The following LINGO2 variants were observed in gnomAD, a reference collection of about 807,000 sequenced individuals.
LINGO2 encodes the protein leucine-rich repeat and immunoglobulin-like domain-containing nogo receptor-interacting protein 2.
A neutral mutation model predicts 30.6 loss-of-function variants in LINGO2; 14 were observed. The ratio of observed to expected loss-of-function variants is 0.46; its 90% CI spans 0.30 to 0.72. The LOEUF is 0.72. Among genes scored for constraint, LINGO2 ranks in the 30% least tolerant of loss-of-function variants. LINGO2 has a pLI of 0.07. For missense variants in LINGO2, 729 were observed against 751.7 expected, an observed-to-expected ratio of 0.97 and a Z score of 0.35; for synonymous variants, 317 against 288.5, an observed-to-expected ratio of 1.10 and a Z score of -1.00.
intron 3 of LINGO2, among the ~76,000 whole-genome samples, chr9:28,348,350 C>CAG (rs1164110563): frequency 6.6e-6 from 1 of 152,090 alleles, no homozygotes; most frequent in East Asian, 1.9e-4. Flanking sequence ...CGCAAGGGGT[C>CAG]AGAGAGTTCC....
the LINGO2 span, chr9:27,938,166 A>T: frequency 6.6e-6 from 1 of 152,192 alleles, no homozygotes; most frequent in Non-Finnish European, 1.5e-5. Context: ...CCAATCCAGC[A>T]TCTCTCTGAG....
chr9:28,075,652 C>T (rs915417541), intron 4 of LINGO2, among the ~76,000 whole-genome samples: 3 of 151,932 alleles, frequency 2.0e-5, no homozygotes, highest in African/African-American at 7.2e-5. Context: ...CTAGATTGAA[C>T]ATGAGACTGA....
intron 5 of LINGO2, among the ~76,000 whole-genome samples, chr9:27,999,916 T>C (rs1417850769): frequency 6.6e-6 from 1 of 152,118 alleles, no homozygotes; most frequent in East Asian, 1.9e-4. Context: ...GGCAATAAAA[T>C]GGATTTTAAA....
At chr9:28,943,141 C>T in the LINGO2 span, among the ~76,000 whole-genome samples, 449 of 152,162 alleles carry the variant, frequency 3.0e-3, 2 homozygotes, top group African/African-American at 9.8e-3. Context: ...AAGGTAAAGA[C>T]GCAATCTCAG....
At chr9:28,316,794 G>A (rs1824860915) in intron 3 of LINGO2, among the ~76,000 whole-genome samples, 1 of 152,076 alleles carries the variant, frequency 6.6e-6, no homozygotes, top group Non-Finnish European at 1.5e-5. Flanking sequence ...TTCCAAGAAG[G>A]CCTTTCAGAA....
At chr9:28,483,266 A>C (rs1587735085) in intron 1 of LINGO2, among the ~76,000 whole-genome samples, 1 of 152,124 alleles carries the variant, frequency 6.6e-6, no homozygotes, top group South Asian at 2.1e-4. Flanking sequence ...GCAATGGACT[A>C]TCTGCTGATA....
intron 4 of LINGO2, among the ~76,000 whole-genome samples, chr9:28,201,299 A>G (rs1466970331): frequency 6.9e-5 from 10 of 143,906 alleles, no homozygotes; most frequent in Non-Finnish European, 1.2e-4. Context: ...TCATTGTTCA[A>G]TTCCCACCTA....
intron 4 of LINGO2, among the ~76,000 whole-genome samples, chr9:28,055,975 C>T (rs1275297900): frequency 2.0e-5 from 3 of 152,066 alleles, no homozygotes; most frequent in Admixed American, 6.6e-5. Context: ...ACTATTGTTA[C>T]TACTTGAGAC....
In LINGO2 at chr9:27,950,150, A is replaced by C. The variant is rs773664708; in HGVS notation, c.522T>G (p.Ser174Arg). 3.1e-6 allele frequency: 5 copies of C among 1,614,118 alleles called. No individual in the cohort carries two copies. The Admixed American group carries it at 5.0e-5, about 16-fold the overall frequency. ...TGAGCTGCTCCAAGCTAAGAAGCCC[A>C]CTGAATGCCCTGTGTGATATATAAA... The change falls in exon 6 of 6, where the codon AGT becomes AGG. Residue 174 changes from serine (S) to arginine (R), a missense_variant. Physicochemically the swap from Ser to Arg is moderately radical, Grantham distance 110 (BLOSUM62 -1). Coordinates refer to ENST00000379992, the Ensembl canonical transcript of LINGO2.
chr9:27,967,042 T>C (rs1469810540), intron 5 of LINGO2, among the ~76,000 whole-genome samples: 1 of 152,294 alleles, frequency 6.6e-6, no homozygotes, highest in East Asian at 1.9e-4. Context: ...CTCTGGAGAT[T>C]ACCTGGTTTT....
At chr9:28,218,598 T>A (rs575400836) in intron 4 of LINGO2, among the ~76,000 whole-genome samples, 6 of 152,152 alleles carry the variant, frequency 3.9e-5, no homozygotes, top group Non-Finnish European at 7.4e-5. Flanking sequence ...ATAAATAGAT[T>A]TCTGCTCTGG....
intron 4 of LINGO2, among the ~76,000 whole-genome samples, chr9:28,110,126 C>G (rs1006633408): frequency 1.3e-5 from 2 of 152,042 alleles, no homozygotes; most frequent in African/African-American, 4.8e-5. Flanking sequence ...ACAAACTTGA[C>G]AAAAACAAGC....
chr9:28,235,708 A>T lies in LINGO2; in HGVS notation c.-87+59500T>A, dbSNP rs1166125864. ...ATGCCACTGACATGCTGAAGAATGC[A>T]TCAAAGTTTCTTAATAGCAGAAATG... On this transcript the variant is annotated intron_variant, in intron 4 of 5. Coordinates refer to ENST00000379992, the Ensembl canonical transcript of LINGO2. Among the ~76,000 whole-genome samples, 4 of 152,216 alleles carry T rather than the reference A, an allele frequency of 2.6e-5. No individual in the cohort carries two copies. The East Asian group carries it at 7.7e-4, about 29-fold the overall frequency.
At chr9:28,654,562 T>C (rs1828252747) in intron 1 of LINGO2, among the ~76,000 whole-genome samples, 1 of 152,062 alleles carries the variant, frequency 6.6e-6, no homozygotes, top group Admixed American at 6.6e-5. Context: ...TAAGTTTCAG[T>C]TTATTCATCT....
chr9:28,493,289 G>A (rs547475322), intron 1 of LINGO2, among the ~76,000 whole-genome samples: 1 of 152,148 alleles, frequency 6.6e-6, no homozygotes, highest in African/African-American at 2.4e-5. Context: ...CTAAAAACAC[G>A]ATCATCTCTC....
At chr9:29,194,977 C>G in the LINGO2 span, among the ~76,000 whole-genome samples, 3 of 152,152 alleles carry the variant, frequency 2.0e-5, no homozygotes, top group African/African-American at 7.2e-5. Flanking sequence ...AGTCCAGATA[C>G]AGAACAGCTC....
the LINGO2 span, among the ~76,000 whole-genome samples, chr9:29,054,011 T>C: frequency 1.3e-5 from 2 of 152,064 alleles, no homozygotes; most frequent in African/African-American, 4.8e-5. Flanking sequence ...TAAATGTGTA[T>C]CTTTGTCTTA....
intron 1 of LINGO2, among the ~76,000 whole-genome samples, chr9:28,539,891 G>A (rs1821598361): frequency 6.6e-6 from 1 of 152,142 alleles, no homozygotes; most frequent in Non-Finnish European, 1.5e-5. Context: ...GTTCAGCAGA[G>A]AGTGTAGGAG....
chr9:28,638,965 A>G (rs879637139), intron 1 of LINGO2, among the ~76,000 whole-genome samples: 1 of 152,048 alleles, frequency 6.6e-6, no homozygotes, highest in Non-Finnish European at 1.5e-5. Flanking sequence ...TTAGTGCTAT[A>G]AATTTCCTTC....
Sources: allele counts gnomAD v4.1 joint callset (sites outside exome capture counted in the v4.1 genomes callset), GRCh38; gene constraint gnomAD v4.1.1; transcripts MANE v1.5; gene names NCBI Gene and HGNC (gene_info 2026-07-23, HGNC 2026-07-21).